SGCZ: variants seen among roughly 807,000 people sequenced by gnomAD.
SGCZ encodes the protein sarcoglycan zeta, also known as zeta-sarcoglycan.
SGCZ carries 40 observed loss-of-function variants against 41.3 expected under a neutral mutation model. That is an observed-to-expected ratio of 0.97 (90% CI 0.75 to 1.26). SGCZ has a LOEUF of 1.26. Among genes scored for constraint, SGCZ ranks in the 50% most tolerant of loss-of-function variants. The probability of loss-of-function intolerance (pLI) is 0.00; values close to 1 mark genes in which losing one functional copy is unlikely to be tolerated. For synonymous variants in SGCZ, 206 were observed against 137.5 expected (o/e 1.50, Z -3.49); for missense variants, 552 against 369.8 (o/e 1.49, Z -4.04).
At chr8:14,309,032 C>T in intron 3 of SGCZ, 2 of 1,244,048 alleles carry the variant, frequency 1.6e-6, no homozygotes, top group African/African-American at 1.5e-5. Context: ...GAAAATGAAA[C>T]CGGAAGCCTC....
At chr8:14,235,608 T>C (rs555890861) in intron 4 of SGCZ, among the ~76,000 whole-genome samples, 2 of 152,330 alleles carry the variant, frequency 1.3e-5, no homozygotes, top group East Asian at 1.9e-4. Context: ...CGTAATCAAA[T>C]GATTGCTTTG....
At chr8:14,684,289 T>A (rs548448652) in intron 1 of SGCZ, among the ~76,000 whole-genome samples, 1 of 152,308 alleles carries the variant, frequency 6.6e-6, no homozygotes, top group East Asian at 1.9e-4. Context: ...AGCTTGTTTT[T>A]TGAGTATTAA....
chr8:14,097,263 T>TATG (rs1801874874), intron 7 of SGCZ, among the ~76,000 whole-genome samples: 1 of 152,218 alleles, frequency 6.6e-6, no homozygotes, highest in Admixed American at 6.5e-5. Flanking sequence ...CACAGTGCTT[T>TATG]ATGTGTGTCC....
intron 1 of SGCZ, among the ~76,000 whole-genome samples, chr8:15,201,003 G>A (rs1056564549): frequency 1.7e-4 from 26 of 152,048 alleles, no homozygotes; most frequent in Admixed American, 1.3e-4. Context: ...CTACCAAAGC[G>A]TCCCCAATCA....
chr8:14,923,581 T>G (rs562025739), intron 1 of SGCZ, among the ~76,000 whole-genome samples: 9 of 152,248 alleles, frequency 5.9e-5, no homozygotes, highest in South Asian at 2.1e-4. Context: ...AAAAATCACT[T>G]CAAGATTTCT....
intron 4 of SGCZ, among the ~76,000 whole-genome samples, chr8:14,185,656 ATTGTT>A (rs1315304699): frequency 1.3e-5 from 2 of 151,674 alleles, no homozygotes; most frequent in Non-Finnish European, 1.5e-5. Context: ...CTTACTACCC[ATTGTT>A]TTGTTTTGTT....
chr8:14,588,635 CA>C lies in SGCZ; in HGVS notation c.40-33710del, dbSNP rs1235233240. On this transcript the variant is annotated intron_variant, in intron 1 of 7. Transcript: ENST00000382080. Reference sequence around the variant, plus strand: ...AATGAGAAAAGAAAAGAGAAAATGGCAAAAAAGCAAGAAATAAAAACGTTAG... The same window carrying C: ...AATGAGAAAAGAAAAGAGAAAATGGCAAAAAGCAAGAAATAAAAACGTTAG... 1.1e-4 allele frequency among the ~76,000 whole-genome samples: 17 copies of C among 151,706 alleles called. No homozygotes were observed. The East Asian group carries it at 2.7e-3, about 24-fold the overall frequency.
intron 1 of SGCZ, among the ~76,000 whole-genome samples, chr8:14,828,593 A>T (rs541252087): frequency 3.5e-4 from 53 of 152,326 alleles, no homozygotes; most frequent in African/African-American, 1.3e-3. Context: ...AGTTCTGAAG[A>T]CAAAGCACAA....
chr8:14,371,922 G>A (rs1240162951), intron 2 of SGCZ, among the ~76,000 whole-genome samples: 1 of 151,952 alleles, frequency 6.6e-6, no homozygotes, highest in Non-Finnish European at 1.5e-5. Context: ...AATATAGGCT[G>A]GAATAAACTA....
At chr8:14,225,511 CATGATAGTCAG>C (rs1563196711) in intron 4 of SGCZ, among the ~76,000 whole-genome samples, 19 of 152,006 alleles carry the variant, frequency 1.2e-4, no homozygotes, top group African/African-American at 4.6e-4. Context: ...TAGAAATCAA[CATGATAGTCAG>C]GTGTAATCAT....
At chr8:14,235,907 T>C (rs1806741725) in intron 4 of SGCZ, among the ~76,000 whole-genome samples, 1 of 152,116 alleles carries the variant, frequency 6.6e-6, no homozygotes, top group Non-Finnish European at 1.5e-5. Context: ...ATGATCTCGA[T>C]TTCTTGACCT....
intron 2 of SGCZ, among the ~76,000 whole-genome samples, chr8:14,390,334 ATATT>A (rs1234578829): frequency 7.0e-6 from 1 of 143,590 alleles, no homozygotes; most frequent in Non-Finnish European, 1.5e-5. Context: ...AATACGTACT[ATATT>A]TACATTGCTT....
At chr8:14,526,803 G>C (rs957291860) in intron 2 of SGCZ, among the ~76,000 whole-genome samples, 4 of 152,002 alleles carry the variant, frequency 2.6e-5, no homozygotes, top group Non-Finnish European at 4.4e-5. Context: ...TGAAACAGGA[G>C]AATTTATCTA....
chr8:14,682,021 A>G (rs1304655454), intron 1 of SGCZ, among the ~76,000 whole-genome samples: 1 of 152,192 alleles, frequency 6.6e-6, no homozygotes, highest in African/African-American at 2.4e-5. Flanking sequence ...ACAGAGAAAA[A>G]TAACATATCT....
intron 2 of SGCZ, among the ~76,000 whole-genome samples, chr8:14,328,135 T>C (rs1057388748): frequency 6.6e-6 from 1 of 152,224 alleles, no homozygotes; most frequent in Non-Finnish European, 1.5e-5. Flanking sequence ...TGTATAAAGC[T>C]GTATAACATA....
chr8:15,211,587 G>A (rs558920586), intron 1 of SGCZ, among the ~76,000 whole-genome samples: 17 of 152,144 alleles, frequency 1.1e-4, no homozygotes, highest in Admixed American at 9.2e-4. Context: ...ATATTAACCT[G>A]CACCTCCACT....
At chr8:14,636,360 C>T (rs75961994) in intron 1 of SGCZ, among the ~76,000 whole-genome samples, 16,500 of 151,798 alleles carry the variant, frequency 0.11, 1,101 homozygotes, top group African/African-American at 0.2. Context: ...ATAGATTACA[C>T]AGGTTCAAAA....
At chr8:14,326,029 A>G (rs1334394006) in intron 2 of SGCZ, among the ~76,000 whole-genome samples, 1 of 141,570 alleles carries the variant, frequency 7.1e-6, no homozygotes, top group Non-Finnish European at 1.5e-5. Context: ...GGAGAATGGC[A>G]CGAACCCGGG....
rs1233325423 is a variant in SGCZ, at chr8:14,941,709, G to C, written c.39+295876C>G. Among the ~76,000 whole-genome samples, 3 of 151,550 alleles carry C rather than the reference G, an allele frequency of 2.0e-5. No homozygotes were observed. In the Admixed American group the frequency reaches 2.0e-4, roughly 10 times the overall value. ...TTAGTATTTTTCTGAATATTAGAGAGAGTTTGTACATCTATTCATACGTTT... is the reference window on the plus strand; with the variant it reads ...TTAGTATTTTTCTGAATATTAGAGACAGTTTGTACATCTATTCATACGTTT... On this transcript the variant is annotated intron_variant, in intron 1 of 7. Coordinates refer to ENST00000382080, the MANE Select transcript of SGCZ (RefSeq NM_139167.4).
Sources: gnomAD v4.1 joint callset for allele counts (sites outside exome capture counted in the v4.1 genomes callset) on GRCh38, gnomAD v4.1.1 for gene constraint, MANE v1.5 for transcripts, NCBI Gene and HGNC (gene_info 2026-07-23, HGNC 2026-07-21) for gene names.